The following GRIK2 variants were observed in gnomAD, a reference collection of about 807,000 sequenced individuals.
GRIK2 encodes glutamate receptor ionotropic, kainate 2.
In GRIK2, 32 loss-of-function variants were observed where a neutral mutation model predicts 100.3. That is an observed-to-expected ratio of 0.32 (90% CI 0.24 to 0.43). The LOEUF (loss-of-function observed/expected upper bound fraction) is 0.43, where lower values mean the gene tolerates loss of function less well. Ranked by LOEUF, GRIK2 falls within the 20% of genes least tolerant of loss-of-function variation. The probability of loss-of-function intolerance (pLI) is 1.00; values close to 1 mark genes in which losing one functional copy is unlikely to be tolerated. For synonymous variants in GRIK2, 417 were observed against 389.4 expected (o/e 1.07, Z -0.83); for missense variants, 843 against 1,114.9 (o/e 0.76, Z 3.47).
intron 2 of GRIK2, among the ~76,000 whole-genome samples, chr6:101,496,177 C>A (rs1487046027): frequency 6.6e-6 from 1 of 152,122 alleles, no homozygotes; most frequent in African/African-American, 2.4e-5. Flanking sequence ...GAACTCCCGA[C>A]CTCAGGTAAT....
chr6:101,599,371 A>G (rs1027498782), intron 2 of GRIK2, among the ~76,000 whole-genome samples: 1 of 151,826 alleles, frequency 6.6e-6, no homozygotes, highest in Non-Finnish European at 1.5e-5. Context: ...TAGTACTCCA[A>G]TGAACAGACG....
At chr6:101,557,984 C>T (rs1776825798) in intron 2 of GRIK2, among the ~76,000 whole-genome samples, 1 of 152,206 alleles carries the variant, frequency 6.6e-6, no homozygotes, top group South Asian at 2.1e-4. Context: ...TCTCATACCT[C>T]AACTGCCCTT....
At chr6:101,859,727 A>T (rs1415637609) in intron 11 of GRIK2, among the ~76,000 whole-genome samples, 1 of 152,182 alleles carries the variant, frequency 6.6e-6, no homozygotes, top group Non-Finnish European at 1.5e-5. Context: ...GAGAGATGGA[A>T]CATTATCTCT....
intron 2 of GRIK2, among the ~76,000 whole-genome samples, chr6:101,591,158 T>C (rs1003749439): frequency 6.6e-6 from 1 of 152,018 alleles, no homozygotes; most frequent in Non-Finnish European, 1.5e-5. Flanking sequence ...AGATGCAGCA[T>C]TGATTTCAGA....
chr6:101,984,217 CTT>C (rs1793884442), intron 14 of GRIK2, among the ~76,000 whole-genome samples: 1 of 151,682 alleles, frequency 6.6e-6, no homozygotes, highest in African/African-American at 2.4e-5. Context: ...AAGACCAGCA[CTT>C]TGAACCTAGA....
In GRIK2 at chr6:102,068,493, T is replaced by C; in HGVS notation, c.2709T>C (p.Gly903=). ...CATTTAACGACAGAAGGTTGCCAGG[T>C]AAAGAAACCATGGCATAAAGCTGGG... ...MHTFNDRRLP[G]KETMA Residue 903 remains glycine (G), a synonymous_variant, in exon 17 of 17, where the codon GGT becomes GGC. Transcript: ENST00000369134. 1 of 1,611,312 alleles carries C rather than the reference T, an allele frequency of 6.2e-7. No individual in the cohort carries two copies. The highest frequency in any genetic ancestry group is 8.5e-7 in the Non-Finnish European group (1 of 1,178,248).
At chr6:101,457,661 G>T (rs939647828) in intron 2 of GRIK2, among the ~76,000 whole-genome samples, 38 of 151,958 alleles carry the variant, frequency 2.5e-4, no homozygotes, top group South Asian at 1.3e-3. Context: ...AGCTGTAGTG[G>T]GTCCTTTCAT....
chr6:101,889,975 G>A, intron 12 of GRIK2, 112 bp downstream of exon 12: 1 of 673,242 alleles, frequency 1.5e-6, no homozygotes, highest in Non-Finnish European at 2.6e-6. Flanking sequence ...TTTTCCATGG[G>A]GTGCTGAGAA....
intron 7 of GRIK2, among the ~76,000 whole-genome samples, chr6:101,755,029 CCAATGGCCG>C (rs1562359692): frequency 6.6e-6 from 1 of 152,008 alleles, no homozygotes; most frequent in Non-Finnish European, 1.5e-5. Context: ...TGAATTGTGG[CCAATGGCCG>C]ACACCAACAG....
At chr6:101,493,712 TCAG>T (rs1260140067) in intron 2 of GRIK2, among the ~76,000 whole-genome samples, 1 of 151,620 alleles carries the variant, frequency 6.6e-6, no homozygotes, top group Non-Finnish European at 1.5e-5. Flanking sequence ...TCAGGTAGCT[TCAG>T]CAGTTTGCAG....
At chr6:101,732,889 C>A (rs1347601022) in intron 7 of GRIK2, among the ~76,000 whole-genome samples, 1 of 151,918 alleles carries the variant, frequency 6.6e-6, no homozygotes, top group Non-Finnish European at 1.5e-5. Flanking sequence ...CTGGGTTCTC[C>A]CATACTGGAG....
At chr6:101,516,567 C>T (rs929386030) in intron 2 of GRIK2, among the ~76,000 whole-genome samples, 2 of 152,074 alleles carry the variant, frequency 1.3e-5, no homozygotes, top group East Asian at 1.9e-4. Flanking sequence ...CCTCATCTCT[C>T]ACCTTATACA....
chr6:101,486,365 A>G (rs1273343711), intron 2 of GRIK2, among the ~76,000 whole-genome samples: 2 of 90,112 alleles, frequency 2.2e-5, no homozygotes, highest in East Asian at 7.7e-4. Flanking sequence ...GAAAAGCAGC[A>G]GGTAAGGTTG....
chr6:101,977,155 A>T (rs1432716755), intron 14 of GRIK2, among the ~76,000 whole-genome samples: 1 of 151,340 alleles, frequency 6.6e-6, no homozygotes, highest in Non-Finnish European at 1.5e-5. Context: ...TAGGAGAGGG[A>T]TTTATTATTT....
chr6:101,601,526 T>A (rs1397802086), intron 2 of GRIK2, among the ~76,000 whole-genome samples: 1 of 151,970 alleles, frequency 6.6e-6, no homozygotes, highest in Non-Finnish European at 1.5e-5. Context: ...CCCTTCTTTT[T>A]ACAACTGATA....
intron 9 of GRIK2, among the ~76,000 whole-genome samples, chr6:101,809,397 T>A (rs1453679771): frequency 6.6e-6 from 1 of 152,046 alleles, no homozygotes; most frequent in Non-Finnish European, 1.5e-5. Context: ...TTCTTTTACT[T>A]GTTGACTCCT....
intron 4 of GRIK2, among the ~76,000 whole-genome samples, chr6:101,633,392 A>C (rs1446635588): frequency 1.3e-5 from 2 of 152,124 alleles, no homozygotes; most frequent in African/African-American, 4.8e-5. Context: ...TGTAGTTTTT[A>C]GCAAGGGATT....
chr6:101,874,038 C>G (rs961177720), intron 11 of GRIK2, among the ~76,000 whole-genome samples: 2 of 151,996 alleles, frequency 1.3e-5, no homozygotes, highest in Non-Finnish European at 1.5e-5. Flanking sequence ...TTCTCCCATT[C>G]TGAAGGTTGC....
At chr6:101,937,831 TTTCTTAGATAGCCCA>T in intron 14 of GRIK2, among the ~76,000 whole-genome samples, 1 of 152,090 alleles carries the variant, frequency 6.6e-6, no homozygotes, top group African/African-American at 2.4e-5. Flanking sequence ...ATTGTTCTCA[TTTCTTAGATAGCCCA>T]TTAATTACAA....
Sources: gnomAD v4.1 joint callset for allele counts (sites outside exome capture counted in the v4.1 genomes callset) on GRCh38, gnomAD v4.1.1 for gene constraint, MANE v1.5 for transcripts, NCBI Gene and HGNC (gene_info 2026-07-23, HGNC 2026-07-21) for gene names.